The following AFAP1 variants were observed in gnomAD, a reference collection of about 807,000 sequenced individuals.
AFAP1 encodes actin filament-associated protein 1.
A neutral mutation model predicts 93.9 loss-of-function variants in AFAP1; 75 were observed. The ratio of observed to expected loss-of-function variants is 0.80; its 90% CI spans 0.66 to 0.97. The LOEUF (loss-of-function observed/expected upper bound fraction) is 0.97. Among genes scored for constraint, AFAP1 ranks in the 50% least tolerant of loss-of-function variants. The pLI, the probability that AFAP1 is intolerant of heterozygous loss-of-function variation, is 0.00. For missense variants in AFAP1, 1,201 were observed against 1,050.8 expected, an observed-to-expected ratio of 1.14 and a Z score of -1.98; for synonymous variants, 517 against 430.7, an observed-to-expected ratio of 1.20 and a Z score of -2.48.
At position 7,778,788 on chromosome 4, in the gene AFAP1, G is replaced by A. The variant is rs554537787; in HGVS notation, c.1871C>T (p.Ala624Val). The A allele has an allele frequency of 8.7e-5, 141 of 1,614,148 alleles. No homozygotes were observed. The Admixed American group carries it at 2.0e-3, about 23-fold the overall frequency. ...LSSQPKKADP[A>V]AVVKRTGSNA... The stretch of plus-strand genomic sequence containing the variant: ...CGAACCCGTCCTTTTCACAACAGCC[G>A]CGGGATCCGCTTTCTTTGGCTGACT... Residue 624 changes from alanine to valine, a missense_variant, in exon 14 of 18, where the codon GCG becomes GTG. Transcript: ENST00000420658.
rs113090864 is a variant in AFAP1, at chr4:7,773,378, G to A, written c.2063-368C>T. The A allele has an allele frequency of 8.3e-3, 1,746 of 210,166 alleles. 35 individuals are homozygous for A. The highest frequency in any genetic ancestry group is 0.038 in the African/African-American group (1,616 of 43,064). 13.0% of individuals were successfully genotyped at this position (210,166 alleles called of 1,614,324 possible). A position where few individuals can be genotyped will look rare whatever the true frequency, so the allele number is the denominator to read the frequency against. On this transcript the variant is annotated intron_variant, in intron 15 of 17. Coordinates refer to ENST00000420658, the MANE Select transcript of AFAP1 (RefSeq NM_001134647.2). ...GAACCCTGTCCTCCCCTAACGCTCC[G>A]CCGATCCTTCAGTCATCTTATTTGC...
intron 17 of AFAP1, among the ~76,000 whole-genome samples, chr4:7,768,333 T>C (rs1714915308): frequency 6.6e-6 from 1 of 152,228 alleles, no homozygotes; most frequent in African/African-American, 2.4e-5. Context: ...GCTAATCCCA[T>C]GAGAAGACCG....
chr4:7,884,210 C>T lies in AFAP1; in HGVS notation c.-2-12130G>A, dbSNP rs192916182. On this transcript the variant is annotated intron_variant, in intron 1 of 17. Coordinates refer to ENST00000420658, the MANE Select transcript of AFAP1 (RefSeq NM_001134647.2). Reference sequence around the variant, plus strand: ...AAACTTCCTGAGGCCTTCCCAAAAGCGGAGCAAATGTCGGCACCATGCTTG... The same window carrying T: ...AAACTTCCTGAGGCCTTCCCAAAAGTGGAGCAAATGTCGGCACCATGCTTG... Among the ~76,000 whole-genome samples, 35 of 152,252 alleles carry T rather than the reference C, an allele frequency of 2.3e-4. 1 individual carries two copies. Among genetic ancestry groups the T allele is most frequent in the Admixed American group, 2.0e-4 (3 of 15,294 alleles).
chr4:7,854,342 C>T (rs1251653768), intron 4 of AFAP1, among the ~76,000 whole-genome samples: 2 of 152,224 alleles, frequency 1.3e-5, no homozygotes, highest in Non-Finnish European at 2.9e-5. Context: ...CCGACTGCTC[C>T]AGAAGCTGAG....
In AFAP1 at chr4:7,891,386, G is replaced by A. The variant is rs548765312; in HGVS notation, c.-2-19306C>T. 1.7e-4 allele frequency among the ~76,000 whole-genome samples: 26 copies of A among 152,260 alleles called. No individual in the cohort carries two copies. The East Asian group carries it at 5.0e-3, about 29-fold the overall frequency. On this transcript the variant is annotated intron_variant, in intron 1 of 17. Coordinates refer to ENST00000420658, the MANE Select transcript of AFAP1 (RefSeq NM_001134647.2). ...AGCACATCCGAGGTAGAGAACCAAG[G>A]ACCAGAGAGAAAACCTAACTGGTCA... is the stretch of plus-strand genomic sequence containing the variant.
chr4:7,933,061 C>T (rs1560243448), intron 1 of AFAP1, among the ~76,000 whole-genome samples: 1 of 148,990 alleles, frequency 6.7e-6, no homozygotes, highest in Non-Finnish European at 1.5e-5. Context: ...CTTCACGTTC[C>T]TGACGATTTG....
rs751564517 is a variant in AFAP1 at position 7,939,769 on chromosome 4, G to GGCC, written c.-119_-117dup. The GGCC allele has an allele frequency of 1.8e-4, 73 of 396,718 alleles. 1 individual carries two copies. Among genetic ancestry groups the GGCC allele is most frequent in the South Asian group, 6.5e-4 (38 of 58,060 alleles). The allele number at this position is 396,718 out of a possible 1,614,324, so 24.6% of individuals were successfully genotyped here. ...CCTTAACAATGGAGCCCCGGGGCGG[G>GGCC]GCCGCCGCCGCCGCCTCAGCCCGTG... On this transcript the variant is annotated 5_prime_UTR_variant, in exon 1 of 18. Coordinates refer to ENST00000420658, the MANE Select transcript of AFAP1 (RefSeq NM_001134647.2). The surrounding 1 kb of genome is among the most constrained non-coding windows in gnomAD (Gnocchi z 5.6).
At chr4:7,832,753 C>G (rs1711782695) in intron 6 of AFAP1, among the ~76,000 whole-genome samples, 1 of 150,942 alleles carries the variant, frequency 6.6e-6, no homozygotes, top group Admixed American at 6.6e-5. Flanking sequence ...TACCTGATTT[C>G]AAACTACAGT....
intron 9 of AFAP1, among the ~76,000 whole-genome samples, chr4:7,808,828 C>T (rs1381061613): frequency 1.3e-5 from 2 of 152,130 alleles, no homozygotes; most frequent in African/African-American, 2.4e-5. Context: ...GCACCTGCTC[C>T]TCTTTCTCCT....
chr4:7,771,734 G>C (rs1715466854), intron 16 of AFAP1, among the ~76,000 whole-genome samples: 1 of 152,180 alleles, frequency 6.6e-6, no homozygotes, highest in Non-Finnish European at 1.5e-5. Flanking sequence ...AACCATGCAT[G>C]AGTGGCTGGG....
chr4:7,931,495 G>A (rs1721063315), intron 1 of AFAP1, among the ~76,000 whole-genome samples: 1 of 151,692 alleles, frequency 6.6e-6, no homozygotes, highest in Admixed American at 6.6e-5. Flanking sequence ...GGGATCAGGT[G>A]ATCAACCTCC....
intron 1 of AFAP1, among the ~76,000 whole-genome samples, chr4:7,928,492 A>T (rs541764797): frequency 6.6e-6 from 1 of 152,066 alleles, no homozygotes; most frequent in East Asian, 1.9e-4. Context: ...GGTTCAAGCG[A>T]TTCTCCTGCT....
At chr4:7,844,648 A>T (rs1713478960) in intron 4 of AFAP1, among the ~76,000 whole-genome samples, 1 of 152,238 alleles carries the variant, frequency 6.6e-6, no homozygotes, top group Admixed American at 6.5e-5. Flanking sequence ...GCACAGGGCA[A>T]GTGCCCAAAT....
At chr4:7,921,543 G>T (rs1720443485) in intron 1 of AFAP1, among the ~76,000 whole-genome samples, 1 of 151,980 alleles carries the variant, frequency 6.6e-6, no homozygotes, top group African/African-American at 2.4e-5. Context: ...AGAAACTGTT[G>T]GCAAGGAAAT....
chr4:7,861,691 G>A (rs908897025), intron 3 of AFAP1, among the ~76,000 whole-genome samples: 1 of 152,256 alleles, frequency 6.6e-6, no homozygotes, highest in Admixed American at 6.5e-5. Flanking sequence ...GGCGGAAACA[G>A]GATAGAGTGG....
chr4:7,905,327 A>C (rs1281480618), intron 1 of AFAP1, among the ~76,000 whole-genome samples: 1 of 152,246 alleles, frequency 6.6e-6, no homozygotes, highest in Non-Finnish European at 1.5e-5. Flanking sequence ...CTTTTGGGAG[A>C]CCATCCCATA....
At chr4:7,859,984 A>G (rs1577306406) in intron 3 of AFAP1, among the ~76,000 whole-genome samples, 3 of 152,120 alleles carry the variant, frequency 2.0e-5, no homozygotes, top group Admixed American at 6.5e-5. Flanking sequence ...TCTACAAAAA[A>G]ATACAAAAAT....
intron 1 of AFAP1, among the ~76,000 whole-genome samples, chr4:7,907,635 G>A (rs188950999): frequency 5.2e-4 from 79 of 152,258 alleles, no homozygotes; most frequent in African/African-American, 1.8e-3. Flanking sequence ...CTTTTTGAGC[G>A]CTGACGTGAC....
chr4:7,922,557 C>G (rs1400556667), intron 1 of AFAP1, among the ~76,000 whole-genome samples: 3 of 152,174 alleles, frequency 2.0e-5, no homozygotes, highest in African/African-American at 4.8e-5. Context: ...GGCTTCAGAA[C>G]AGGGCTTAGG....
Sources: gnomAD v4.1 joint callset for allele counts (sites outside exome capture counted in the v4.1 genomes callset) on GRCh38, gnomAD v4.1.1 for gene constraint, Gnocchi (gnomAD v3.1) non-coding constraint, MANE v1.5 for transcripts, NCBI Gene and HGNC (gene_info 2026-07-23, HGNC 2026-07-21) for gene names.